The following PTPRK variants were observed in gnomAD, a reference collection of about 807,000 sequenced individuals.
PTPRK encodes the protein protein tyrosine phosphatase receptor type K, also known as receptor-type tyrosine-protein phosphatase kappa.
Under a neutral mutation model 178.0 loss-of-function variants are expected in PTPRK, and 75 were observed. That is an observed-to-expected ratio of 0.42 (90% CI 0.35 to 0.51). The LOEUF (loss-of-function observed/expected upper bound fraction) is 0.51, where lower values mean the gene tolerates loss of function less well. PTPRK is among the 20% of genes least tolerant of loss of function. The pLI is 0.02. For synonymous variants in PTPRK, 637 were observed against 620.6 expected (o/e 1.03, Z -0.39); for missense variants, 1,441 against 1,797.8 (o/e 0.80, Z 3.59).
chr6:128,212,563 G>A (rs943359776), intron 6 of PTPRK, among the ~76,000 whole-genome samples: 3 of 152,086 alleles, frequency 2.0e-5, no homozygotes, highest in Admixed American at 6.6e-5. Context: ...CTTAGAAAAC[G>A]TGTACAGGCC....
At chr6:128,454,163 A>G (rs892501803) in intron 1 of PTPRK, among the ~76,000 whole-genome samples, 29 of 152,294 alleles carry the variant, frequency 1.9e-4, no homozygotes, top group Non-Finnish European at 3.5e-4. Context: ...GACAGCTTCT[A>G]TGAACCACAA....
At chr6:128,381,740 T>G (rs1377276570) in intron 2 of PTPRK, among the ~76,000 whole-genome samples, 1 of 152,196 alleles carries the variant, frequency 6.6e-6, no homozygotes, top group Non-Finnish European at 1.5e-5. Flanking sequence ...AAAGGTTGTA[T>G]GTCATGACCA....
At chr6:128,336,189 GTGT>G (rs1830896674) in intron 2 of PTPRK, among the ~76,000 whole-genome samples, 1 of 26,082 alleles carries the variant, frequency 3.8e-5, no homozygotes, top group African/African-American at 7.9e-5. Flanking sequence ...TTCCAACAGT[GTGT>G]TTTTTTTTTT....
chr6:128,216,258 C>T (rs28529831), intron 6 of PTPRK, among the ~76,000 whole-genome samples: 1 of 151,862 alleles, frequency 6.6e-6, no homozygotes, highest in African/African-American at 2.4e-5. Context: ...AAAATAAGGC[C>T]GGGAGTGGTG....
intron 7 of PTPRK, among the ~76,000 whole-genome samples, chr6:128,091,812 G>A (rs955358180): frequency 4.0e-5 from 6 of 151,718 alleles, no homozygotes; most frequent in African/African-American, 1.5e-4. Context: ...ACTCTCTCAC[G>A]CCAGTTCTTT....
At chr6:128,448,931 C>G (rs1847392382) in intron 1 of PTPRK, among the ~76,000 whole-genome samples, 1 of 152,162 alleles carries the variant, frequency 6.6e-6, no homozygotes, top group African/African-American at 2.4e-5. Flanking sequence ...ATGATCTCGG[C>G]TCATTGCAAC....
At chr6:128,285,073 C>T (rs1334743567) in intron 3 of PTPRK, among the ~76,000 whole-genome samples, 1 of 152,164 alleles carries the variant, frequency 6.6e-6, no homozygotes, top group Non-Finnish European at 1.5e-5. Context: ...ACACAATATA[C>T]TAAGAGGAAT....
At chr6:128,434,945 G>A (rs1371681085) in intron 1 of PTPRK, among the ~76,000 whole-genome samples, 1 of 152,078 alleles carries the variant, frequency 6.6e-6, no homozygotes, top group Non-Finnish European at 1.5e-5. Context: ...GATCACTTGA[G>A]CCTAGGAGGT....
intron 13 of PTPRK, among the ~76,000 whole-genome samples, chr6:128,041,629 C>T (rs1777178820): frequency 6.6e-6 from 1 of 151,886 alleles, no homozygotes; most frequent in Non-Finnish European, 1.5e-5. Context: ...TTTTTAATTG[C>T]TAAGTATAAA....
chr6:128,409,603 T>A (rs934809603), intron 1 of PTPRK, among the ~76,000 whole-genome samples: 2 of 152,182 alleles, frequency 1.3e-5, no homozygotes, highest in African/African-American at 4.8e-5. Flanking sequence ...CAATTAGTGG[T>A]CTACAATACA....
chr6:128,108,114 ACAC>A (rs1284803397), intron 7 of PTPRK, among the ~76,000 whole-genome samples: 1 of 149,826 alleles, frequency 6.7e-6, no homozygotes, highest in Non-Finnish European at 1.5e-5. Flanking sequence ...ACACACACAC[ACAC>A]AAATTTCACT....
intron 1 of PTPRK, among the ~76,000 whole-genome samples, chr6:128,460,923 T>C (rs1322251880): frequency 3.9e-5 from 6 of 152,142 alleles, no homozygotes; most frequent in Non-Finnish European, 8.8e-5. Flanking sequence ...GAAGGACAGA[T>C]ATAAAATAAT....
At chr6:128,079,685 T>C (rs1185499589) in intron 10 of PTPRK, among the ~76,000 whole-genome samples, 1 of 152,008 alleles carries the variant, frequency 6.6e-6, no homozygotes, top group East Asian at 1.9e-4. Flanking sequence ...TTACTGAATA[T>C]ATACTATGTG....
At chr6:128,347,070 T>C (rs1301808527) in intron 2 of PTPRK, among the ~76,000 whole-genome samples, 2 of 152,182 alleles carry the variant, frequency 1.3e-5, no homozygotes, top group Non-Finnish European at 1.5e-5. Context: ...TCATATAGTA[T>C]ATAAAATGCT....
At chr6:128,490,212 A>G (rs567358173) in intron 1 of PTPRK, among the ~76,000 whole-genome samples, 1 of 152,180 alleles carries the variant, frequency 6.6e-6, no homozygotes, top group African/African-American at 2.4e-5. Flanking sequence ...TACTGAATCA[A>G]TGAGACTAAA....
intron 3 of PTPRK, among the ~76,000 whole-genome samples, chr6:128,306,798 A>G (rs1826448763): frequency 6.6e-6 from 1 of 152,146 alleles, no homozygotes; most frequent in South Asian, 2.1e-4. Flanking sequence ...ATTTTGTCTC[A>G]AAAGAAAAAA....
At chr6:128,238,209 A>AAAAG in intron 5 of PTPRK, 1 of 349,970 alleles carries the variant, frequency 2.9e-6, no homozygotes, top group Non-Finnish European at 5.2e-6. Context: ...AAAAGAAAAG[A>AAAAG]AAAAAAAAAG....
chr6:128,520,505 GT>G lies in PTPRK; in HGVS notation c.-148del. 3 of 711,974 alleles carry G rather than the reference GT, an allele frequency of 4.2e-6. No homozygotes were observed. The highest frequency in any genetic ancestry group is 1.8e-5 in the South Asian group (1 of 54,332). The allele number at this position is 711,974 out of a possible 1,614,324, so 44.1% of individuals were successfully genotyped here. On this transcript the variant is annotated 5_prime_UTR_variant, in exon 1 of 30. Coordinates refer to ENST00000368226, the MANE Select transcript of PTPRK (RefSeq NM_002844.4). Reference sequence around the variant, plus strand: ...CGCCCGCCCTTTTTCCTTCTTCGCGGTCGCCAAACTACCTCAGGGGCGAAAG... The same window carrying G: ...CGCCCGCCCTTTTTCCTTCTTCGCGGCGCCAAACTACCTCAGGGGCGAAAG...
chr6:128,051,715 C>G (rs1395299136), intron 13 of PTPRK, among the ~76,000 whole-genome samples: 3 of 152,172 alleles, frequency 2.0e-5, no homozygotes, highest in Non-Finnish European at 4.4e-5. Flanking sequence ...CCTCATCTTT[C>G]TATATTATCT....
Sources: allele counts gnomAD v4.1 joint callset (sites outside exome capture counted in the v4.1 genomes callset), GRCh38; gene constraint gnomAD v4.1.1; transcripts MANE v1.5; gene names NCBI Gene and HGNC (gene_info 2026-07-23, HGNC 2026-07-21).